The following TECR variants were observed in gnomAD, a reference collection of about 807,000 sequenced individuals.
TECR encodes trans-2,3-enoyl-CoA reductase.
Under a neutral mutation model 50.6 loss-of-function variants are expected in TECR, and 19 were observed. The observed-to-expected ratio is 0.38, with a 90% CI of 0.26 to 0.55. The LOEUF (loss-of-function observed/expected upper bound fraction) is 0.55, where lower values mean the gene tolerates loss of function less well. Ranked by LOEUF, TECR falls within the 20% of genes least tolerant of loss-of-function variation. TECR has a pLI of 0.79. For synonymous variants in TECR, 168 were observed against 163.5 expected (o/e 1.03, Z -0.21); for missense variants, 313 against 408.3 (o/e 0.77, Z 2.01).
At position 14,563,042 on chromosome 19, in the gene TECR, C is replaced by T; in HGVS notation, c.67-164C>T. On this transcript the variant is annotated intron_variant, in intron 2 of 12. Coordinates refer to ENST00000215567, the MANE Select transcript of TECR (RefSeq NM_138501.6). This position sits in a 1 kb window ranked among gnomAD's most constrained non-coding sequence, Gnocchi z 5.3. ...CCTGCTGTCACTGCACTGGCAGGGC[C>T]CTCGGTGGTCCTTCCCTGACTGCAG... The T allele has an allele frequency of 5.0e-6, 4 of 805,426 alleles. No homozygotes were observed. The highest frequency in any genetic ancestry group is 4.8e-5 in the Admixed American group (2 of 41,668). 49.9% of individuals were successfully genotyped at this position (805,426 alleles called of 1,614,324 possible).
intron 1 of TECR, chr19:14,536,665 G>A (rs1185762600): frequency 6.6e-6 from 1 of 152,066 alleles, no homozygotes; most frequent in African/African-American, 2.4e-5. Flanking sequence ...CTGTGTTCAG[G>A]GATATCAGGC....
intron 1 of TECR, among the ~76,000 whole-genome samples, chr19:14,538,038 G>A (rs984280598): frequency 3.0e-4 from 46 of 152,274 alleles, no homozygotes; most frequent in South Asian, 1.0e-3. Flanking sequence ...GAGCCACTGC[G>A]CCGGCAGTGT....
intron 1 of TECR, chr19:14,532,513 A>G (rs2072710710): frequency 3.1e-5 from 2 of 63,802 alleles, no homozygotes; most frequent in African/African-American, 8.2e-5. Context: ...AGTCTGTCTC[A>G]AAAAAAAAAA....
At chr19:14,531,352 C>G (rs2072652135) in intron 1 of TECR, 1 of 152,040 alleles carries the variant, frequency 6.6e-6, no homozygotes, top group Non-Finnish European at 1.5e-5. Flanking sequence ...TTTTTATTGA[C>G]AAGTTGAATA....
rs760951359 is a variant in TECR at position 14,564,296 on chromosome 19, C to T, written c.489+9C>T. ...TGCGCAACATCTTCAAGGTGAGAGCCCGTCCCCGCCTCACCCCTAAGCCCC... is the reference window on the plus strand; with the variant it reads ...TGCGCAACATCTTCAAGGTGAGAGCTCGTCCCCGCCTCACCCCTAAGCCCC... On this transcript the variant is annotated intron_variant, in intron 7 of 12. Coordinates refer to ENST00000215567, the MANE Select transcript of TECR (RefSeq NM_138501.6). The T allele has an allele frequency of 6.3e-7, 1 of 1,592,640 alleles. No individual in the cohort carries two copies. The highest frequency in any genetic ancestry group is 8.5e-7 in the Non-Finnish European group (1 of 1,172,260).
chr19:14,534,529 C>T (rs951357228), intron 1 of TECR, among the ~76,000 whole-genome samples: 3 of 138,604 alleles, frequency 2.2e-5, no homozygotes, highest in African/African-American at 8.1e-5. Context: ...TCCACCTCCC[C>T]GGTTCAAGCG....
chr19:14,563,102 A>G lies in TECR; in HGVS notation c.67-104A>G. On this transcript the variant is annotated intron_variant, in intron 2 of 12. Transcript: ENST00000215567. This position sits in a 1 kb window ranked among gnomAD's most constrained non-coding sequence, Gnocchi z 5.3. The stretch of plus-strand genomic sequence containing the variant: ...TGGACCCCAGCCCTTCCCCCTTCCC[A>G]TAGCTACAGCCCAACCCCCAGCCTG... 2.1e-6 allele frequency: 3 copies of G among 1,446,944 alleles called. No homozygotes were observed. Among genetic ancestry groups the G allele is most frequent in the South Asian group, 1.2e-5 (1 of 84,728 alleles). The allele number at this position is 1,446,944 out of a possible 1,614,324, so 89.6% of individuals were successfully genotyped here. A position where few individuals can be genotyped will look rare whatever the true frequency, so the allele number is the denominator to read the frequency against.
At chr19:14,565,582 A>C (rs971385580) in intron 11 of TECR, 36 bp from the exon 12 acceptor site, 1 of 1,599,182 alleles carries the variant, frequency 6.3e-7, no homozygotes, top group Non-Finnish European at 8.5e-7. Context: ...ACGGGTTGCG[A>C]GGCTGCCCAC....
Position 14,529,608 on chromosome 19 carries a change from T to G in TECR, c.-89T>G. The stretch of plus-strand genomic sequence containing the variant: ...CGCAGAGCCGCGTTTAGTCTATCGC[T>G]GCGGTTGCGAGCGCTGTAGGGAGCC... On this transcript the variant is annotated 5_prime_UTR_variant, in exon 1 of 13. Transcript: ENST00000215567. 1.2e-6 allele frequency: 2 copies of G among 1,600,040 alleles called. No individual in the cohort carries two copies.
Position 14,561,917 on chromosome 19 carries a change from G to T in TECR, c.16-608G>T, listed in dbSNP as rs527845358. 85 of 177,466 alleles carry T rather than the reference G, an allele frequency of 4.8e-4. 1 individual carries two copies. The highest frequency in any genetic ancestry group is 9.3e-4 in the Non-Finnish European group (77 of 82,722). The allele number at this position is 177,466 out of a possible 1,614,324, so 11.0% of individuals were successfully genotyped here. ...AGTGAACTCCCTAGGCCTGAGCTGC[G>T]GGCTGGGGCCTGCACGGCCCGCTGG... On this transcript the variant is annotated intron_variant, in intron 1 of 12. Transcript: ENST00000215567.
At chr19:14,553,684 G>A (rs1032253350) in intron 1 of TECR, among the ~76,000 whole-genome samples, 27 of 152,282 alleles carry the variant, frequency 1.8e-4, no homozygotes, top group African/African-American at 6.5e-4. Context: ...TGAATGTGCC[G>A]GAGTCTCTGC....
chr19:14,527,879 A>T (rs1175479699), upstream of TECR: 2 of 152,190 alleles, frequency 1.3e-5, no homozygotes, highest in African/African-American at 4.8e-5. Context: ...TGTCTGTCAA[A>T]AGTCTTTTCT....
intron 1 of TECR, among the ~76,000 whole-genome samples, chr19:14,533,381 C>T (rs2072746524): frequency 1.3e-5 from 2 of 151,922 alleles, no homozygotes; most frequent in Admixed American, 1.3e-4. Context: ...GATCGCACCA[C>T]TGCACTCCAG....
At chr19:14,562,012 T>C in intron 1 of TECR, 2 of 266,472 alleles carry the variant, frequency 7.5e-6, no homozygotes, top group East Asian at 8.5e-5. Context: ...TGCCTGCCCC[T>C]GGGGCTTTCC....
rs756144351 is a variant in TECR at position 14,563,876 on chromosome 19, C to T, written c.240C>T (p.Asp80=). Residue 80 remains aspartate, a synonymous_variant, in exon 5 of 13, where the codon GAC becomes GAT. Coordinates refer to ENST00000215567, the MANE Select transcript of TECR (RefSeq NM_138501.6). The surrounding 1 kb of genome is among the most constrained non-coding windows in gnomAD (Gnocchi z 5.3). The part of the protein sequence containing the change: ...VGTTATLYFR[D]LGAQISWVTV... Reference sequence around the variant, plus strand: ...CCACGGCCACACTGTACTTCCGGGACCTGGGGGCCCAGATCAGCTGGGTGA... The same window carrying T: ...CCACGGCCACACTGTACTTCCGGGATCTGGGGGCCCAGATCAGCTGGGTGA... 6 of 1,614,064 alleles carry T rather than the reference C, an allele frequency of 3.7e-6. No homozygotes were observed. The South Asian group carries it at 6.6e-5, about 18-fold the overall frequency.
intron 1 of TECR, 168 bp from the exon 2 acceptor site, chr19:14,562,357 C>T (rs1404724777): frequency 2.6e-5 from 19 of 734,278 alleles, no homozygotes; most frequent in Admixed American, 1.0e-4. Context: ...TGCTGGCCAC[C>T]GTGGGCAGAG....
At position 14,565,787 on chromosome 19, in the gene TECR, G is replaced by C; in HGVS notation, c.843G>C (p.Trp281Cys). The change falls in exon 13 of 13, where the codon TGG (tryptophan) becomes TGC (cysteine). Residue 281 changes from tryptophan to cysteine, a missense_variant. Physicochemically the swap from Trp to Cys is radical, Grantham distance 215. Coordinates refer to ENST00000215567, the MANE Select transcript of TECR (RefSeq NM_138501.6). ...SLVGFTQMTI[W>C]AKGKHRSYLK... ...TGGGCTTCACCCAGATGACCATCTG[G>C]GCCAAGGGCAAGCACCGCAGCTACC... 1 of 1,609,426 alleles carries C rather than the reference G, an allele frequency of 6.2e-7. No homozygotes were observed. The highest frequency in any genetic ancestry group is 8.5e-7 in the Non-Finnish European group (1 of 1,178,704).
Position 14,563,773 on chromosome 19 carries a change from C to G in TECR, c.164-27C>G, listed in dbSNP as rs1317098706. 1.2e-6 allele frequency: 2 copies of G among 1,612,500 alleles called. No individual in the cohort carries two copies. The highest frequency in any genetic ancestry group is 2.7e-5 in the African/African-American group (2 of 74,884). On this transcript the variant is annotated intron_variant, in intron 4 of 12. Transcript: ENST00000215567. This position sits in a 1 kb window ranked among gnomAD's most constrained non-coding sequence, Gnocchi z 5.3. ...GCAGTGGGAGAAGGCCCGGGTAGCC[C>G]CTGAGCCCTGGCCCGCCTCTCTGCA...
At chr19:14,562,627 C>A in intron 2 of TECR, 52 bp downstream of exon 2, 1 of 1,604,204 alleles carries the variant, frequency 6.2e-7, no homozygotes, top group South Asian at 1.1e-5. Context: ...GCCCGGGACC[C>A]CAATCCTTAT....
Sources: allele counts gnomAD v4.1 joint callset (sites outside exome capture counted in the v4.1 genomes callset), GRCh38; gene constraint gnomAD v4.1.1; non-coding constraint Gnocchi (gnomAD v3.1); transcripts MANE v1.5; gene names NCBI Gene and HGNC (gene_info 2026-07-23, HGNC 2026-07-21).